The following C10orf90 variants were observed in gnomAD, a reference collection of about 807,000 sequenced individuals.
C10orf90 encodes the protein (E2-independent) E3 ubiquitin-conjugating enzyme FATS.
C10orf90 carries 56 observed loss-of-function variants against 62.5 expected under a neutral mutation model. The observed-to-expected ratio is 0.90, with a 90% CI of 0.72 to 1.12. The LOEUF (loss-of-function observed/expected upper bound fraction) is 1.12. C10orf90 is among the 50% of genes most tolerant of loss of function. C10orf90 has a pLI of 0.00. For missense variants in C10orf90, 970 were observed against 880.4 expected (o/e 1.10, Z -1.29); for synonymous variants, 386 against 340.4 (o/e 1.13, Z -1.47).
intron 2 of C10orf90, chr10:126,524,773 G>T: frequency 1.0e-6 from 1 of 985,506 alleles, no homozygotes; most frequent in African/African-American, 1.7e-5. Flanking sequence ...TCTGCCATGA[G>T]GGCTTGTCCT....
At chr10:126,461,641 C>T (rs1859986909) in intron 5 of C10orf90, 56 bp from the exon 6 acceptor site, 6 of 1,524,776 alleles carry the variant, frequency 3.9e-6, no homozygotes, top group Non-Finnish European at 5.4e-6. Context: ...TTTCACGTGG[C>T]TCCTCAATAC....
chr10:126,556,042 G>A (rs968167943), intron 2 of C10orf90, among the ~76,000 whole-genome samples: 1 of 152,166 alleles, frequency 6.6e-6, no homozygotes. Context: ...ACCAAAATTG[G>A]TGAAAAATGT....
chr10:126,530,001 T>C (rs1864049402), intron 2 of C10orf90, among the ~76,000 whole-genome samples: 1 of 151,802 alleles, frequency 6.6e-6, no homozygotes, highest in Admixed American at 6.6e-5. Flanking sequence ...AAAAAATGGA[T>C]CTTAAACTAA....
At position 126,626,156 on chromosome 10, in the gene C10orf90, G is replaced by C. The variant is rs1845738680; in HGVS notation, c.313+20409C>G. ...AAAAAAAAAAAAAAAAAAGTGAGAA[G>C]GCTCCAGACACCGTTGATTTCCTGG... is the stretch of plus-strand genomic sequence containing the variant. On this transcript the variant is annotated intron_variant, in intron 2 of 9. Coordinates refer to ENST00000488181, the MANE Select transcript of C10orf90 (RefSeq NM_001350921.2). Among the ~76,000 whole-genome samples the C allele has an allele frequency of 2.7e-5, 4 of 148,752 alleles. No individual in the cohort carries two copies. In the South Asian group the frequency reaches 8.5e-4, roughly 32 times the overall value.
At chr10:126,584,970 G>T (rs1047173921) in intron 2 of C10orf90, among the ~76,000 whole-genome samples, 1 of 151,846 alleles carries the variant, frequency 6.6e-6, no homozygotes, top group Non-Finnish European at 1.5e-5. Context: ...GCAAATGTTA[G>T]CTGTGGCCAA....
chr10:126,561,681 A>T (rs767386217), intron 2 of C10orf90, among the ~76,000 whole-genome samples: 1 of 152,094 alleles, frequency 6.6e-6, no homozygotes, highest in Non-Finnish European at 1.5e-5. Context: ...AAATTAAACA[A>T]GGGACTCTCT....
chr10:126,584,622 G>T (rs878949429), intron 2 of C10orf90, among the ~76,000 whole-genome samples: 1 of 152,150 alleles, frequency 6.6e-6, no homozygotes, highest in East Asian at 1.9e-4. Context: ...CTTTGCTCAC[G>T]TGTGCCCATG....
At chr10:126,500,854 T>C (rs1862337416) in intron 4 of C10orf90, among the ~76,000 whole-genome samples, 1 of 152,232 alleles carries the variant, frequency 6.6e-6, no homozygotes, top group Admixed American at 6.5e-5. Flanking sequence ...ATACAATTTG[T>C]AGAACTTTCT....
intron 2 of C10orf90, chr10:126,520,250 C>T (rs1005650654): frequency 6.6e-6 from 1 of 152,290 alleles, no homozygotes; most frequent in Non-Finnish European, 1.5e-5. Flanking sequence ...GGTGACCCCA[C>T]CAGCCTCATC....
chr10:126,638,980 C>T (rs1045062500), intron 2 of C10orf90, among the ~76,000 whole-genome samples: 3 of 152,244 alleles, frequency 2.0e-5, no homozygotes, highest in African/African-American at 7.2e-5. Flanking sequence ...ATTAAAACAG[C>T]CTTTTATGGA....
chr10:126,554,959 G>A (rs1467731845), intron 2 of C10orf90, among the ~76,000 whole-genome samples: 2 of 152,294 alleles, frequency 1.3e-5, no homozygotes, highest in Middle Eastern at 3.4e-3. Flanking sequence ...TTAATCTCAC[G>A]ACACTCGCCT....
At chr10:126,644,283 G>A (rs1054928429) in intron 2 of C10orf90, among the ~76,000 whole-genome samples, 5 of 152,308 alleles carry the variant, frequency 3.3e-5, no homozygotes, top group Non-Finnish European at 7.3e-5. Context: ...TTAGTCCTGC[G>A]CTGAAGGCTC....
At chr10:126,467,006 A>G (rs1860324102) in intron 4 of C10orf90, among the ~76,000 whole-genome samples, 1 of 152,210 alleles carries the variant, frequency 6.6e-6, no homozygotes, top group South Asian at 2.1e-4. Flanking sequence ...TCAAAAACCA[A>G]ATTAGTTATC....
intron 2 of C10orf90, among the ~76,000 whole-genome samples, chr10:126,602,217 C>G (rs1342227819): frequency 6.6e-6 from 1 of 152,198 alleles, no homozygotes; most frequent in East Asian, 1.9e-4. Context: ...TCCTAATCAC[C>G]TCTTCCTAAG....
intron 2 of C10orf90, among the ~76,000 whole-genome samples, chr10:126,553,166 A>T (rs1020034683): frequency 6.6e-6 from 1 of 152,188 alleles, no homozygotes; most frequent in African/African-American, 2.4e-5. Flanking sequence ...GATAAATAAT[A>T]CTTAAGAAAA....
intron 2 of C10orf90, among the ~76,000 whole-genome samples, chr10:126,612,945 G>A (rs559105787): frequency 4.5e-4 from 68 of 152,206 alleles, no homozygotes; most frequent in South Asian, 2.7e-3. Flanking sequence ...CAGCTCCAAC[G>A]GCATGTTACA....
intron 2 of C10orf90, among the ~76,000 whole-genome samples, chr10:126,549,192 A>G (rs1198900146): frequency 1.3e-5 from 2 of 152,218 alleles, no homozygotes; most frequent in East Asian, 1.9e-4. Context: ...CTTTTCCTCT[A>G]TGAAAGACCT....
At chr10:126,599,182 CTTTTTTT>C (rs755259124) in intron 2 of C10orf90, among the ~76,000 whole-genome samples, 1 of 128,248 alleles carries the variant, frequency 7.8e-6, no homozygotes, top group South Asian at 2.4e-4. Flanking sequence ...GGTTCCACTC[CTTTTTTT>C]TTTTTTTTTT....
At chr10:126,533,795 A>C (rs910074435) in intron 2 of C10orf90, among the ~76,000 whole-genome samples, 1 of 152,260 alleles carries the variant, frequency 6.6e-6, no homozygotes, top group African/African-American at 2.4e-5. Context: ...AAGGCATCAA[A>C]TGCTCTTAGC....
Sources: allele counts gnomAD v4.1 joint callset (sites outside exome capture counted in the v4.1 genomes callset), GRCh38; gene constraint gnomAD v4.1.1; transcripts MANE v1.5; gene names NCBI Gene and HGNC (gene_info 2026-07-23, HGNC 2026-07-21).